The following FUT9 variants were observed in gnomAD, a reference collection of about 807,000 sequenced individuals.
The protein encoded by FUT9 is 4-galactosyl-N-acetylglucosaminide 3-alpha-L-fucosyltransferase 9.
In FUT9, 15 loss-of-function variants were observed where a neutral mutation model predicts 29.7. The observed-to-expected ratio is 0.51, with a 90% CI of 0.34 to 0.78. The LOEUF (loss-of-function observed/expected upper bound fraction) is 0.78, where lower values mean the gene tolerates loss of function less well. Ranked by LOEUF, FUT9 falls within the 30% of genes least tolerant of loss-of-function variation. The pLI, the probability that FUT9 is intolerant of heterozygous loss-of-function variation, is 0.01. For missense variants in FUT9, 319 were observed against 425.4 expected (o/e 0.75, Z 2.20); for synonymous variants, 169 against 153.7 (o/e 1.10, Z -0.74).
At chr6:96,024,052 A>G (rs1301146674) in intron 1 of FUT9, among the ~76,000 whole-genome samples, 2 of 151,878 alleles carry the variant, frequency 1.3e-5, no homozygotes, top group East Asian at 3.9e-4. Context: ...ACAACAGTAC[A>G]TGGAATTGGC....
chr6:96,098,483 C>A (rs1346659961), intron 1 of FUT9, among the ~76,000 whole-genome samples: 1 of 152,052 alleles, frequency 6.6e-6, no homozygotes, highest in Non-Finnish European at 1.5e-5. Context: ...CATTCTATTG[C>A]CCTAGTGGAC....
rs1189178712 is a variant in FUT9 at position 96,204,992 on chromosome 6, G to C, written c.*757G>C. ...ATAATACTTTAGAAAATCTAAGACAGTTCTTTCTGCTACTGATGACACTCA... is the reference window on the plus strand; with the variant it reads ...ATAATACTTTAGAAAATCTAAGACACTTCTTTCTGCTACTGATGACACTCA... On this transcript the variant is annotated 3_prime_UTR_variant, in exon 3 of 3. Transcript: ENST00000302103. 6.1e-6 allele frequency: 1 copy of C among 163,656 alleles called. No homozygotes were observed. Among genetic ancestry groups the C allele is most frequent in the Non-Finnish European group, 1.5e-5 (1 of 68,060 alleles). 10.1% of individuals were successfully genotyped at this position (163,656 alleles called of 1,614,324 possible).
intron 2 of FUT9, among the ~76,000 whole-genome samples, chr6:96,184,989 G>C (rs756332959): frequency 6.6e-6 from 1 of 151,782 alleles, no homozygotes; most frequent in Non-Finnish European, 1.5e-5. Flanking sequence ...TTAAGCAAAC[G>C]TTCTTAGTCT....
At chr6:96,138,113 A>T (rs1772391322) in intron 2 of FUT9, among the ~76,000 whole-genome samples, 2 of 152,274 alleles carry the variant, frequency 1.3e-5, no homozygotes, top group South Asian at 4.1e-4. Context: ...TCTTTCAGTG[A>T]CAAGCTACTA....
At chr6:96,091,965 A>C (rs963387060) in intron 1 of FUT9, among the ~76,000 whole-genome samples, 2 of 152,134 alleles carry the variant, frequency 1.3e-5, no homozygotes, top group Non-Finnish European at 2.9e-5. Flanking sequence ...GGACAGTTTG[A>C]GAAATTCAAA....
At chr6:96,162,714 G>A (rs1772935686) in intron 2 of FUT9, among the ~76,000 whole-genome samples, 1 of 152,124 alleles carries the variant, frequency 6.6e-6, no homozygotes, top group Non-Finnish European at 1.5e-5. Context: ...TAGTGTCCTT[G>A]TTTTGTCTCC....
At chr6:96,113,117 A>G (rs1771841747) in intron 1 of FUT9, among the ~76,000 whole-genome samples, 1 of 152,172 alleles carries the variant, frequency 6.6e-6, no homozygotes, top group South Asian at 2.1e-4. Flanking sequence ...TAAATGGGAA[A>G]CTTTAAATAT....
At chr6:96,136,884 C>A (rs932370995) in intron 2 of FUT9, among the ~76,000 whole-genome samples, 3 of 151,928 alleles carry the variant, frequency 2.0e-5, no homozygotes, top group Non-Finnish European at 4.4e-5. Flanking sequence ...CTTTTAGTAT[C>A]CCTTAAGAAT....
chr6:96,118,741 C>A (rs989947834), intron 2 of FUT9, among the ~76,000 whole-genome samples: 1 of 152,114 alleles, frequency 6.6e-6, no homozygotes, highest in South Asian at 2.1e-4. Context: ...CAGGTCCATG[C>A]ACGTTATTGC....
intron 1 of FUT9, among the ~76,000 whole-genome samples, chr6:96,060,872 G>C (rs1426780960): frequency 6.6e-6 from 1 of 151,844 alleles, no homozygotes; most frequent in Non-Finnish European, 1.5e-5. Context: ...ATTTTTAGCT[G>C]GACATTTACA....
chr6:96,135,830 A>G lies in FUT9; in HGVS notation c.-9+21703A>G, dbSNP rs192437469. Among the ~76,000 whole-genome samples the G allele has an allele frequency of 2.7e-3, 411 of 151,970 alleles. 2 individuals are homozygous for G. Among genetic ancestry groups the G allele is most frequent in the Middle Eastern group, 0.017 (5 of 294 alleles). On this transcript the variant is annotated intron_variant, in intron 2 of 2. Transcript: ENST00000302103. ...ATGTTCTTACCACAATTTTTTAAAA[A>G]TATAAAGTAGAAGGAATGGTGCTTT...
chr6:96,209,184 T>C lies in FUT9; in HGVS notation c.*4949T>C, dbSNP rs932636727. The C allele has an allele frequency of 6.0e-6, 1 of 166,932 alleles. No homozygotes were observed. Among genetic ancestry groups the C allele is most frequent in the Non-Finnish European group, 1.5e-5 (1 of 68,038 alleles). 10.3% of individuals were successfully genotyped at this position (166,932 alleles called of 1,614,324 possible). On this transcript the variant is annotated 3_prime_UTR_variant, in exon 3 of 3. Coordinates refer to ENST00000302103, the MANE Select transcript of FUT9 (RefSeq NM_006581.4). ...CTTTCTTCTAGCACTATTACTCTTA[T>C]CTAAGATCGAAATTGATATATGCAT...
At chr6:96,123,610 G>T (rs1196549398) in intron 2 of FUT9, among the ~76,000 whole-genome samples, 1 of 152,180 alleles carries the variant, frequency 6.6e-6, no homozygotes, top group Non-Finnish European at 1.5e-5. Flanking sequence ...ACTTGCAAAT[G>T]CATGTTCACT....
intron 1 of FUT9, among the ~76,000 whole-genome samples, chr6:96,048,199 G>A (rs146160458): frequency 2.6e-5 from 4 of 152,248 alleles, no homozygotes; most frequent in African/African-American, 9.6e-5. Flanking sequence ...AGAAAATCCA[G>A]GATATCACTT....
intron 2 of FUT9, among the ~76,000 whole-genome samples, chr6:96,120,334 G>A (rs530984305): frequency 2.9e-4 from 41 of 140,000 alleles, no homozygotes; most frequent in African/African-American, 1.0e-3. Context: ...GCAGTGGTGC[G>A]ATCTCGGCCC....
At chr6:96,145,358 G>A (rs1284423925) in intron 2 of FUT9, among the ~76,000 whole-genome samples, 1 of 152,088 alleles carries the variant, frequency 6.6e-6, no homozygotes, top group Non-Finnish European at 1.5e-5. Context: ...GCCCAGTCTT[G>A]TCTTATTATT....
intron 1 of FUT9, among the ~76,000 whole-genome samples, chr6:96,027,456 G>A (rs1770187737): frequency 1.3e-5 from 2 of 151,052 alleles, no homozygotes; most frequent in Admixed American, 6.6e-5. Flanking sequence ...TCTCTCTCTT[G>A]CGTTCAGATA....
At chr6:96,135,958 C>T (rs1282153428) in intron 2 of FUT9, among the ~76,000 whole-genome samples, 3 of 149,676 alleles carry the variant, frequency 2.0e-5, no homozygotes, top group African/African-American at 4.9e-5. Context: ...GTGATATATT[C>T]GATATCTAGT....
intron 1 of FUT9, among the ~76,000 whole-genome samples, chr6:96,026,119 C>A (rs1192570323): frequency 6.6e-6 from 1 of 151,492 alleles, no homozygotes; most frequent in African/African-American, 2.4e-5. Context: ...TAAAACAGTT[C>A]AAAACAAAAG....
Sources: allele counts gnomAD v4.1 joint callset (sites outside exome capture counted in the v4.1 genomes callset), GRCh38; gene constraint gnomAD v4.1.1; transcripts MANE v1.5; gene names NCBI Gene and HGNC (gene_info 2026-07-23, HGNC 2026-07-21).